RALGAPA2: variants seen among roughly 807,000 people sequenced by gnomAD.
RALGAPA2 encodes Ral GTPase activating protein catalytic subunit alpha 2.
Under a neutral mutation model 230.4 loss-of-function variants are expected in RALGAPA2, and 139 were observed. The ratio of observed to expected loss-of-function variants is 0.60; its 90% confidence interval spans 0.53 to 0.69. RALGAPA2 has a LOEUF of 0.69. Among genes scored for constraint, RALGAPA2 ranks in the 30% least tolerant of loss-of-function variants. The pLI is 0.00. For missense variants in RALGAPA2, 2,163 were observed against 2,276.0 expected (o/e 0.95, Z 1.01); for synonymous variants, 847 against 837.8 (o/e 1.01, Z -0.19).
At chr20:20,426,536 A>G (rs1426793184) in intron 37 of RALGAPA2, among the ~76,000 whole-genome samples, 2 of 152,234 alleles carry the variant, frequency 1.3e-5, no homozygotes, top group Non-Finnish European at 2.9e-5. Context: ...GAACCCCACA[A>G]GGTGGTCATA....
At chr20:20,582,923 G>A in intron 20 of RALGAPA2, 127 bp downstream of exon 20, 1 of 955,358 alleles carries the variant, frequency 1.0e-6, no homozygotes, top group Non-Finnish European at 1.5e-6. Flanking sequence ...ATGGTGGACA[G>A]TGGTCAGGAG....
chr20:20,574,791 A>G (rs187409504), intron 20 of RALGAPA2, among the ~76,000 whole-genome samples: 9 of 152,204 alleles, frequency 5.9e-5, no homozygotes. Flanking sequence ...GACCAAGCAC[A>G]TTCCTCTAAT....
intron 3 of RALGAPA2, among the ~76,000 whole-genome samples, chr20:20,669,163 T>C (rs1209450101): frequency 6.6e-6 from 1 of 152,240 alleles, no homozygotes; most frequent in Non-Finnish European, 1.5e-5. Context: ...CTTGTGTCGA[T>C]GTATTTTAAT....
At chr20:20,473,092 G>C in intron 36 of RALGAPA2, 136 bp from the exon 37 acceptor site, 1 of 904,772 alleles carries the variant, frequency 1.1e-6, no homozygotes, top group Non-Finnish European at 1.6e-6. Context: ...GACCTTAACA[G>C]GACACAGGTC....
chr20:20,569,699 T>C (rs1351432343), intron 23 of RALGAPA2, among the ~76,000 whole-genome samples: 3 of 152,150 alleles, frequency 2.0e-5, no homozygotes, highest in African/African-American at 7.2e-5. Context: ...TTATTTCATC[T>C]CATTTTACTG....
chr20:20,411,205 T>A (rs1476521563), intron 38 of RALGAPA2, among the ~76,000 whole-genome samples: 2 of 152,212 alleles, frequency 1.3e-5, no homozygotes, highest in Admixed American at 1.3e-4. Context: ...TCACTGAGAA[T>A]CTCAACATGC....
At chr20:20,536,883 C>G in intron 24 of RALGAPA2, 99 bp from the exon 25 acceptor site, 1 of 1,329,274 alleles carries the variant, frequency 7.5e-7, no homozygotes, top group Non-Finnish European at 1.0e-6. Context: ...TAAAAAATAC[C>G]AAACTTGGCC....
chr20:20,573,887 G>A (rs904842497), intron 20 of RALGAPA2, among the ~76,000 whole-genome samples: 1 of 152,144 alleles, frequency 6.6e-6, no homozygotes, highest in African/African-American at 2.4e-5. Flanking sequence ...GAATACAGTT[G>A]CTATAAACAT....
At chr20:20,393,482 T>C (rs750424075) in intron 39 of RALGAPA2, among the ~76,000 whole-genome samples, 1 of 152,208 alleles carries the variant, frequency 6.6e-6, no homozygotes, top group Admixed American at 6.5e-5. Flanking sequence ...AAAGAAGCTA[T>C]GAATCTTGTG....
At chr20:20,556,635 G>T (rs2064091064) in intron 23 of RALGAPA2, among the ~76,000 whole-genome samples, 1 of 152,180 alleles carries the variant, frequency 6.6e-6, no homozygotes, top group Admixed American at 6.5e-5. Flanking sequence ...TGAGACTTTA[G>T]CAAATGAGGG....
chr20:20,694,927 C>T (rs574683251), intron 1 of RALGAPA2, among the ~76,000 whole-genome samples: 14 of 152,280 alleles, frequency 9.2e-5, no homozygotes, highest in African/African-American at 3.4e-4. Flanking sequence ...TTCATATTAT[C>T]CAAATGTTTA....
chr20:20,625,223 T>C (rs2066455299), intron 10 of RALGAPA2, among the ~76,000 whole-genome samples: 1 of 152,224 alleles, frequency 6.6e-6, no homozygotes, highest in African/African-American at 2.4e-5. Context: ...ACCAGCCTGC[T>C]TTCTGTCTGT....
chr20:20,695,254 T>C (rs2069066304), intron 1 of RALGAPA2, among the ~76,000 whole-genome samples: 1 of 152,256 alleles, frequency 6.6e-6, no homozygotes, highest in South Asian at 2.1e-4. Flanking sequence ...TGGTACATAA[T>C]GCCTTAGAAT....
rs1409041581 is a variant in RALGAPA2 at position 20,653,563 on chromosome 20, G to A, written c.295C>T (p.Arg99Ter). ...FEKILQFLPE[R>*]IFFRWHYQSI... is the part of the protein sequence containing the mutation. ...TGGTAATGCCATCGAAAGAAAATTC[G>A]TTCAGGTAGAAACTGCAGTATTTTC... The change falls in exon 4 of 40, where the codon CGA (arginine) becomes TGA (stop). Residue 99 changes from arginine to a stop codon, truncating the protein, a stop_gained. Transcript: ENST00000202677. LOFTEE classifies it high-confidence loss of function. 4.7e-6 allele frequency: 7 copies of A among 1,499,372 alleles called. No homozygotes were observed. Among genetic ancestry groups the A allele is most frequent in the East Asian group, 2.5e-5 (1 of 40,516 alleles). 92.9% of individuals were successfully genotyped at this position (1,499,372 alleles called of 1,614,324 possible).
At chr20:20,709,291 C>T (rs2069745093) in intron 1 of RALGAPA2, among the ~76,000 whole-genome samples, 1 of 151,372 alleles carries the variant, frequency 6.6e-6, no homozygotes, top group African/African-American at 2.4e-5. Context: ...TGCACTCCAG[C>T]GTGGGTAACA....
intron 3 of RALGAPA2, among the ~76,000 whole-genome samples, chr20:20,657,904 T>C (rs1005553177): frequency 9.2e-5 from 14 of 152,232 alleles, no homozygotes; most frequent in Admixed American, 2.0e-4. Flanking sequence ...GGAAACTAAT[T>C]TGGCAGTGAA....
At chr20:20,640,938 A>C in intron 5 of RALGAPA2, 60 bp from the exon 6 acceptor site, 1 of 1,410,500 alleles carries the variant, frequency 7.1e-7, no homozygotes, top group Non-Finnish European at 9.8e-7. Flanking sequence ...ATGCATTACA[A>C]TGTAGCATCG....
Position 20,637,473 on chromosome 20 carries a change from T to C in RALGAPA2, c.695A>G (p.Glu232Gly), listed in dbSNP as rs1250637878. ...QAASLEWKNKENQDTGFKFLF... is the reference protein window; with the variant it reads ...QAASLEWKNKGNQDTGFKFLF... ...AAATTTAAAACCAGTATCTTGATTCTCCTTATTCTTCCACTCCAAGCTCGC... is the reference window on the plus strand; with the variant it reads ...AAATTTAAAACCAGTATCTTGATTCCCCTTATTCTTCCACTCCAAGCTCGC... The change falls in exon 8 of 40, where the codon GAG becomes GGG. Residue 232 changes from glutamate (E) to glycine (G), a missense_variant. Physicochemically the swap from Glu to Gly is moderately conservative, Grantham distance 98. Transcript: ENST00000202677. 1.9e-6 allele frequency: 3 copies of C among 1,568,776 alleles called. No homozygotes were observed. The highest frequency in any genetic ancestry group is 2.6e-6 in the Non-Finnish European group (3 of 1,155,040).
intron 37 of RALGAPA2, among the ~76,000 whole-genome samples, chr20:20,468,338 C>T (rs182183194): frequency 1.3e-5 from 2 of 152,186 alleles, no homozygotes; most frequent in African/African-American, 2.4e-5. Context: ...CCATCCCTCC[C>T]ATCTGGGGGT....
Sources: allele counts gnomAD v4.1 joint callset (sites outside exome capture counted in the v4.1 genomes callset), GRCh38; gene constraint gnomAD v4.1.1; transcripts MANE v1.5; gene names NCBI Gene and HGNC (gene_info 2026-07-23, HGNC 2026-07-21).